TENM2: variants seen among roughly 807,000 people sequenced by gnomAD.
The protein encoded by TENM2 is teneurin-2.
In TENM2, 52 loss-of-function variants were observed where a neutral mutation model predicts 245.2. The ratio of observed to expected loss-of-function variants is 0.21; its 90% CI spans 0.17 to 0.27. The LOEUF (loss-of-function observed/expected upper bound fraction) is 0.27. Among genes scored for constraint, TENM2 ranks in the 10% least tolerant of loss-of-function variants. The pLI is 1.00. For synonymous variants in TENM2, 1,363 were observed against 1,438.9 expected (o/e 0.95, Z 1.19); for missense variants, 3,046 against 3,666.8 (o/e 0.83, Z 4.37).
chr5:168,260,362 C>T (rs865789151), exon 28 of TENM2: 10 of 1,613,822 alleles, frequency 6.2e-6, no homozygotes, highest in African/African-American at 5.3e-5. Flanking sequence ...AAATGTATTT[C>T]GTGCCTCCTC....
At chr5:168,159,515 G>GGTTTT (rs1285575001) in intron 12 of TENM2, among the ~76,000 whole-genome samples, 1 of 152,094 alleles carries the variant, frequency 6.6e-6, no homozygotes, top group Non-Finnish European at 1.5e-5. Flanking sequence ...TTACTTCCTA[G>GGTTTT]GTTTTGTTTT....
the TENM2 span, among the ~76,000 whole-genome samples, chr5:167,034,072 C>T: frequency 6.6e-6 from 1 of 152,180 alleles, no homozygotes; most frequent in Admixed American, 6.5e-5. Flanking sequence ...AAACACCCAT[C>T]TTTCTGACCA....
chr5:167,480,680 AT>A (rs1484934126), intron 2 of TENM2, among the ~76,000 whole-genome samples: 1 of 152,266 alleles, frequency 6.6e-6, no homozygotes, highest in Admixed American at 6.5e-5. Flanking sequence ...CAGGTCGTTC[AT>A]TTATTTTAAA....
At chr5:167,600,985 A>G (rs1434169524) in intron 2 of TENM2, among the ~76,000 whole-genome samples, 1 of 152,190 alleles carries the variant, frequency 6.6e-6, no homozygotes, top group Non-Finnish European at 1.5e-5. Flanking sequence ...TTATTCACTC[A>G]TCAAATATTT....
chr5:167,074,691 G>C, the TENM2 span, among the ~76,000 whole-genome samples: 1 of 152,246 alleles, frequency 6.6e-6, no homozygotes, highest in Admixed American at 6.5e-5. Context: ...ACCACGGCTA[G>C]TTTTCCACAT....
intron 2 of TENM2, among the ~76,000 whole-genome samples, chr5:167,816,612 A>T (rs1344087257): frequency 6.6e-6 from 1 of 152,182 alleles, no homozygotes; most frequent in East Asian, 1.9e-4. Context: ...CCAGTGAGAC[A>T]CAACTTCACC....
At chr5:167,866,915 C>T (rs1772372042) in intron 2 of TENM2, among the ~76,000 whole-genome samples, 1 of 152,240 alleles carries the variant, frequency 6.6e-6, no homozygotes, top group African/African-American at 2.4e-5. Flanking sequence ...GTGCTAGCCA[C>T]ATCTCAAGTG....
the TENM2 span, among the ~76,000 whole-genome samples, chr5:167,099,068 T>C: frequency 1.3e-3 from 197 of 152,354 alleles, 1 homozygote; most frequent in Non-Finnish European, 2.4e-3. Context: ...AAATATTTTT[T>C]TCATCTGAAA....
At chr5:167,367,224 T>C (rs997429868) in intron 1 of TENM2, among the ~76,000 whole-genome samples, 2 of 152,214 alleles carry the variant, frequency 1.3e-5, no homozygotes, top group African/African-American at 2.4e-5. Context: ...AACATTGGAA[T>C]GGTTCTAGTT....
chr5:168,152,126 G>A (rs1270551287), intron 12 of TENM2, among the ~76,000 whole-genome samples: 5 of 152,124 alleles, frequency 3.3e-5, no homozygotes, highest in South Asian at 2.1e-4. Flanking sequence ...AGGAATAATC[G>A]TTGTACCTAC....
intron 2 of TENM2, among the ~76,000 whole-genome samples, chr5:167,749,005 C>T (rs571896626): frequency 1.3e-5 from 2 of 152,078 alleles, no homozygotes; most frequent in African/African-American, 2.4e-5. Flanking sequence ...CCTCAGCCTC[C>T]CAAAGTGCTA....
chr5:167,208,314 C>T, the TENM2 span, among the ~76,000 whole-genome samples: 1 of 152,142 alleles, frequency 6.6e-6, no homozygotes, highest in Non-Finnish European at 1.5e-5. Context: ...AACCTACATA[C>T]TTTAATGTCT....
At chr5:167,242,438 A>C in the TENM2 span, among the ~76,000 whole-genome samples, 1 of 151,988 alleles carries the variant, frequency 6.6e-6, no homozygotes. Context: ...TGATGAAATA[A>C]ATGAGATATA....
At chr5:167,360,463 G>A (rs1350142796) in intron 1 of TENM2, among the ~76,000 whole-genome samples, 3 of 152,048 alleles carry the variant, frequency 2.0e-5, no homozygotes, top group African/African-American at 7.2e-5. Context: ...GCCCAGGGTC[G>A]CATTCTTTTA....
In TENM2 at chr5:168,154,147, T is replaced by TAAAAAAAAAAAAAAAAAAAAAA. The variant is rs70976465; in HGVS notation, c.2423-8445_2423-8444insAAAAAAAAAAAAAAAAAAAAAA. Among the ~76,000 whole-genome samples, 73 of 84,992 alleles carry TAAAAAAAAAAAAAAAAAAAAAA rather than the reference T, an allele frequency of 8.6e-4. 5 individuals are homozygous for TAAAAAAAAAAAAAAAAAAAAAA. Among genetic ancestry groups the TAAAAAAAAAAAAAAAAAAAAAA allele is most frequent in the Non-Finnish European group, 1.0e-3 (40 of 39,446 alleles). The allele number at this position is 84,992 out of a possible 152,430, so 55.8% of individuals were successfully genotyped here. ...CATTTCCTCACATGATCACCTACTT[T>TAAAAAAAAAAAAAAAAAAAAAA]AAAAAAAAAAAAAAAAAAACAGTAA... On this transcript the variant is annotated intron_variant, in intron 12 of 28. Coordinates refer to ENST00000518659, the Ensembl canonical transcript of TENM2.
At chr5:167,363,023 A>G (rs2127271397) in intron 1 of TENM2, among the ~76,000 whole-genome samples, 1 of 152,348 alleles carries the variant, frequency 6.6e-6, no homozygotes, top group South Asian at 2.1e-4. Flanking sequence ...AGAAAATGGA[A>G]ACAGAAGTAT....
intron 2 of TENM2, among the ~76,000 whole-genome samples, chr5:167,448,019 T>A (rs1208308037): frequency 6.6e-6 from 1 of 152,090 alleles, no homozygotes; most frequent in Non-Finnish European, 1.5e-5. Context: ...GTATGGGTAG[T>A]GGAAATAGAG....
chr5:167,397,883 T>C (rs1285960780), intron 2 of TENM2, among the ~76,000 whole-genome samples: 1 of 152,170 alleles, frequency 6.6e-6, no homozygotes, highest in East Asian at 1.9e-4. Flanking sequence ...TTTAAAAATA[T>C]CAAAGATTTA....
chr5:168,165,961 A>C (rs1270618875), intron 13 of TENM2: 1 of 152,090 alleles, frequency 6.6e-6, no homozygotes, highest in Non-Finnish European at 1.5e-5. Context: ...TCCTCAGTGT[A>C]GAGTATCCTT....
Sources: gnomAD v4.1 joint callset for allele counts (sites outside exome capture counted in the v4.1 genomes callset) on GRCh38, gnomAD v4.1.1 for gene constraint, MANE v1.5 for transcripts, NCBI Gene and HGNC (gene_info 2026-07-23, HGNC 2026-07-21) for gene names.